Variants in TAOK1 observed in about 807,000 individuals in gnomAD.
TAOK1 encodes the protein serine/threonine-protein kinase TAO1.
Under a neutral mutation model 138.3 loss-of-function variants are expected in TAOK1, and 21 were observed. The observed-to-expected ratio is 0.15, with a 90% CI of 0.11 to 0.22. The LOEUF is 0.22. TAOK1 is among the 10% of genes least tolerant of loss of function. The pLI is 1.00. For missense variants in TAOK1, 651 were observed against 1,227.7 expected, an observed-to-expected ratio of 0.53 and a Z score of 7.02; for synonymous variants, 361 against 398.4, an observed-to-expected ratio of 0.91 and a Z score of 1.12.
At chr17:29,424,154 A>G (rs930628119) in intron 1 of TAOK1, among the ~76,000 whole-genome samples, 2 of 151,712 alleles carry the variant, frequency 1.3e-5, no homozygotes, top group African/African-American at 4.8e-5. Context: ...TTTGTTGTGT[A>G]TAGTGTTCTA....
At chr17:29,487,264 A>AAAAAAG (rs2031192325) in intron 8 of TAOK1, among the ~76,000 whole-genome samples, 3 of 136,340 alleles carry the variant, frequency 2.2e-5, no homozygotes, top group African/African-American at 8.0e-5. Context: ...AAAAAAAAAA[A>AAAAAAG]AAAAAAAAAA....
chr17:29,439,834 G>A (rs1240027828), intron 1 of TAOK1, among the ~76,000 whole-genome samples: 1 of 142,800 alleles, frequency 7.0e-6, no homozygotes, highest in Non-Finnish European at 1.5e-5. Context: ...AATCCAGCCA[G>A]GGCAACGTAG....
At chr17:29,517,864 AT>A (rs1055118696) in intron 16 of TAOK1, among the ~76,000 whole-genome samples, 8 of 150,362 alleles carry the variant, frequency 5.3e-5, no homozygotes, top group East Asian at 2.0e-4. Context: ...AACCACCAAA[AT>A]TTTTTTTTTC....
chr17:29,508,508 A>T (rs768096176), intron 14 of TAOK1, among the ~76,000 whole-genome samples: 1 of 152,158 alleles, frequency 6.6e-6, no homozygotes, highest in African/African-American at 2.4e-5. Context: ...TTTCCTGATT[A>T]TTGATAGTTT....
intron 19 of TAOK1, among the ~76,000 whole-genome samples, chr17:29,539,656 G>A (rs1203309932): frequency 3.3e-5 from 5 of 152,038 alleles, no homozygotes; most frequent in African/African-American, 1.2e-4. Context: ...GGCTGGTCTC[G>A]AACTCCCGAC....
At chr17:29,451,704 A>G in intron 2 of TAOK1, 24 bp downstream of exon 2, 1 of 1,602,942 alleles carries the variant, frequency 6.2e-7, no homozygotes. Context: ...GCTTGATGTC[A>G]GTGACTAAAA....
At chr17:29,455,563 A>G (rs1478310720) in intron 2 of TAOK1, among the ~76,000 whole-genome samples, 1 of 150,482 alleles carries the variant, frequency 6.6e-6, no homozygotes, top group African/African-American at 2.5e-5. Flanking sequence ...GTAGTGAGAA[A>G]GCCTTTTCAG....
chr17:29,449,103 T>C (rs1306817099), intron 1 of TAOK1, among the ~76,000 whole-genome samples: 1 of 152,184 alleles, frequency 6.6e-6, no homozygotes, highest in East Asian at 1.9e-4. Context: ...AAATAATTCT[T>C]GTAATAAGGG....
At chr17:29,394,091 C>G (rs1404198961) in intron 1 of TAOK1, among the ~76,000 whole-genome samples, 1 of 139,352 alleles carries the variant, frequency 7.2e-6, no homozygotes, top group Non-Finnish European at 1.5e-5. Context: ...TTACAGGATA[C>G]TAGAAAGACT....
chr17:29,478,064 G>T (rs2030984362), intron 5 of TAOK1, among the ~76,000 whole-genome samples, 187 bp from the exon 6 acceptor site: 1 of 152,048 alleles, frequency 6.6e-6, no homozygotes, highest in African/African-American at 2.4e-5. Flanking sequence ...AGAAGAATTG[G>T]CTATGAACTG....
intron 3 of TAOK1, among the ~76,000 whole-genome samples, chr17:29,472,518 G>GT (rs1238396178): frequency 3.4e-5 from 5 of 148,986 alleles, no homozygotes; most frequent in African/African-American, 5.0e-5. Context: ...CTCCCAAAGT[G>GT]TTGGGATTAC....
intron 15 of TAOK1, 85 bp downstream of exon 15, chr17:29,511,077 A>G (rs1209270159): frequency 8.3e-6 from 11 of 1,321,522 alleles, no homozygotes; most frequent in Non-Finnish European, 9.2e-6. Context: ...GCATTAGGAT[A>G]AAATTATCTT....
At chr17:29,441,501 G>T (rs1454309817) in intron 1 of TAOK1, among the ~76,000 whole-genome samples, 1 of 152,090 alleles carries the variant, frequency 6.6e-6, no homozygotes, top group Non-Finnish European at 1.5e-5. Flanking sequence ...GTTAGTTTTG[G>T]TAGTTTGTGT....
At chr17:29,415,253 G>GCCAC (rs1486358575) in intron 1 of TAOK1, among the ~76,000 whole-genome samples, 1 of 152,178 alleles carries the variant, frequency 6.6e-6, no homozygotes, top group Non-Finnish European at 1.5e-5. Flanking sequence ...CAGGCGGTGA[G>GCCAC]CCACCGCGCC....
chr17:29,427,101 G>C (rs1905665044), intron 1 of TAOK1, among the ~76,000 whole-genome samples: 1 of 152,124 alleles, frequency 6.6e-6, no homozygotes, highest in Non-Finnish European at 1.5e-5. Context: ...GGCAGACATG[G>C]GGGTTTTGTG....
At chr17:29,500,579 A>G (rs1011306100) in intron 12 of TAOK1, among the ~76,000 whole-genome samples, 3 of 152,078 alleles carry the variant, frequency 2.0e-5, no homozygotes, top group Non-Finnish European at 4.4e-5. Flanking sequence ...CGTCTCTACT[A>G]AAAATACAAA....
intron 1 of TAOK1, among the ~76,000 whole-genome samples, chr17:29,412,085 C>G (rs1905159625): frequency 6.6e-6 from 1 of 151,674 alleles, no homozygotes; most frequent in African/African-American, 2.4e-5. Context: ...CTCTGTCACC[C>G]AGGCTGGAGT....
intron 10 of TAOK1, among the ~76,000 whole-genome samples, chr17:29,493,536 T>A (rs1598505720): frequency 1.3e-5 from 2 of 152,094 alleles, no homozygotes; most frequent in East Asian, 3.9e-4. Context: ...TTCTTACATT[T>A]GCCAAATAGA....
intron 1 of TAOK1, among the ~76,000 whole-genome samples, chr17:29,431,420 C>T (rs2153022652): frequency 6.6e-6 from 1 of 151,806 alleles, no homozygotes; most frequent in East Asian, 1.9e-4. Flanking sequence ...CCAACCCGGG[C>T]AACGGAGCGA....
Sources: allele counts gnomAD v4.1 joint callset (sites outside exome capture counted in the v4.1 genomes callset), GRCh38; gene constraint gnomAD v4.1.1; transcripts MANE v1.5; gene names NCBI Gene and HGNC (gene_info 2026-07-23, HGNC 2026-07-21).